SRI: variants seen among roughly 807,000 people sequenced by gnomAD.
The protein encoded by SRI is 22 kDa protein.
SRI carries 30 observed loss-of-function variants against 33.3 expected under a neutral mutation model. The ratio of observed to expected loss-of-function variants is 0.90; its 90% CI spans 0.67 to 1.22. SRI has a LOEUF of 1.22. Ranked by LOEUF, SRI falls within the 50% of genes most tolerant of loss-of-function variation. The pLI is 0.00. For missense variants in SRI, 243 were observed against 250.8 expected (o/e 0.97, Z 0.21); for synonymous variants, 75 against 89.9 (o/e 0.83, Z 0.94).
At chr7:88,224,416 G>C (rs1344772939), upstream of SRI, among the ~76,000 whole-genome samples, 1 of 152,196 alleles carries the variant, frequency 6.6e-6, no homozygotes, top group Non-Finnish European at 1.5e-5. Context: ...GTCTTCACTT[G>C]TTAGGAAGAA....
chr7:88,216,190 C>A (rs1167042935), intron 3 of SRI, among the ~76,000 whole-genome samples: 3 of 151,994 alleles, frequency 2.0e-5, no homozygotes, highest in Admixed American at 6.6e-5. Context: ...GTTGCCCAGG[C>A]TAGTCTTGAA....
At chr7:88,211,599 T>C (rs1563473029) in intron 3 of SRI, among the ~76,000 whole-genome samples, 1 of 152,234 alleles carries the variant, frequency 6.6e-6, no homozygotes, top group Non-Finnish European at 1.5e-5. Flanking sequence ...TTCCTACTCA[T>C]AAATGACTAT....
intron 7 of SRI, among the ~76,000 whole-genome samples, 176 bp from the exon 8 acceptor site, chr7:88,206,680 T>C (rs947971139): frequency 6.6e-6 from 1 of 152,168 alleles, no homozygotes; most frequent in Non-Finnish European, 1.5e-5. Context: ...GGAAGCAGTC[T>C]AATATAAAAT....
upstream of SRI, among the ~76,000 whole-genome samples, chr7:88,224,259 C>A (rs888267206): frequency 2.0e-5 from 3 of 152,206 alleles, no homozygotes; most frequent in Non-Finnish European, 4.4e-5. Flanking sequence ...AGTGTGGACA[C>A]TTTCTTATTC....
chr7:88,220,556 TAAG>T (rs1851867716), upstream of SRI, among the ~76,000 whole-genome samples: 1 of 152,070 alleles, frequency 6.6e-6, no homozygotes, highest in Non-Finnish European at 1.5e-5. Context: ...CCTTGGAAAA[TAAG>T]AATTAACTTG....
intron 1 of SRI, 72 bp downstream of exon 1, chr7:88,219,904 G>A (rs1437857940): frequency 2.0e-6 from 3 of 1,505,376 alleles, no homozygotes; most frequent in African/African-American, 1.4e-5. Flanking sequence ...CCCGCTGGCC[G>A]CAGCATCTCC....
chr7:88,225,166 A>C (rs1031907355), intron 1 of SRI, among the ~76,000 whole-genome samples: 2 of 152,162 alleles, frequency 1.3e-5, no homozygotes, highest in Non-Finnish European at 2.9e-5. Flanking sequence ...ATAGATTCTC[A>C]CTGACCTGTT....
chr7:88,211,020 TAC>T, intron 3 of SRI, 95 bp from the exon 4 acceptor site: 3 of 981,692 alleles, frequency 3.1e-6, no homozygotes, highest in Non-Finnish European at 4.7e-6. Flanking sequence ...ATGATTATTA[TAC>T]ACTTTTATTT....
At chr7:88,207,145 G>A (rs913611026) in intron 7 of SRI, among the ~76,000 whole-genome samples, 2 of 152,196 alleles carry the variant, frequency 1.3e-5, no homozygotes, top group African/African-American at 4.8e-5. Context: ...AACCCTTGCA[G>A]CTCTATTGCA....
chr7:88,211,434 G>A (rs1406163008), intron 3 of SRI, among the ~76,000 whole-genome samples: 1 of 151,766 alleles, frequency 6.6e-6, no homozygotes, highest in Non-Finnish European at 1.5e-5. Flanking sequence ...CAGCCTGGGT[G>A]ACAGGGCAAG....
chr7:88,209,805 G>A (rs977955192), intron 5 of SRI, among the ~76,000 whole-genome samples, 178 bp downstream of exon 5: 134 of 152,110 alleles, frequency 8.8e-4, no homozygotes, highest in African/African-American at 3.0e-3. Context: ...TAGTAGAGTC[G>A]GGGTTTTACT....
At chr7:88,225,745 A>G (rs1025651277) in intron 1 of SRI, among the ~76,000 whole-genome samples, 1 of 152,194 alleles carries the variant, frequency 6.6e-6, no homozygotes. Context: ...ATTTGGAGAC[A>G]TTGTTTTTTC....
chr7:88,207,375 C>A (rs960909380), intron 7 of SRI, among the ~76,000 whole-genome samples: 2 of 152,168 alleles, frequency 1.3e-5, no homozygotes, highest in African/African-American at 4.8e-5. Flanking sequence ...AGCATATTCA[C>A]ACACACATAC....
intron 7 of SRI, among the ~76,000 whole-genome samples, chr7:88,207,086 A>AT (rs1250168018): frequency 1.3e-5 from 2 of 152,242 alleles, no homozygotes; most frequent in African/African-American, 4.8e-5. Context: ...AAAGCAATAG[A>AT]TTCTGCTCTA....
At chr7:88,222,582 A>G (rs1471448311), upstream of SRI, among the ~76,000 whole-genome samples, 1 of 151,972 alleles carries the variant, frequency 6.6e-6, no homozygotes, top group Non-Finnish European at 1.5e-5. Flanking sequence ...TAGATTCTGG[A>G]TATTAGCCCT....
At chr7:88,209,244 T>A (rs1368586896) in intron 6 of SRI, 95 bp downstream of exon 6, 2 of 1,028,068 alleles carry the variant, frequency 1.9e-6, no homozygotes, top group East Asian at 2.5e-5. Flanking sequence ...CAAGAAAAAA[T>A]TTGGGAAGAA....
chr7:88,211,299 A>G (rs949254372), intron 3 of SRI, among the ~76,000 whole-genome samples: 13 of 152,178 alleles, frequency 8.5e-5, no homozygotes, highest in Non-Finnish European at 1.6e-4. Flanking sequence ...TACTAAAAAT[A>G]TAAAAATTAG....
At chr7:88,219,155 T>G (rs949261216) in intron 1 of SRI, 12 of 580,900 alleles carry the variant, frequency 2.1e-5, no homozygotes, top group African/African-American at 2.1e-4. Context: ...CCATAAAGAG[T>G]TGCTGTGAAA....
At position 88,206,381 on chromosome 7, in the gene SRI, G is replaced by A. The variant is rs920526315; in HGVS notation, c.*97C>T. Reference sequence around the variant, plus strand: ...TTACAACAGCTGTTAAGAGAAAGTCGTGATGTAAGTTTATACATATTACCG... The same window carrying A: ...TTACAACAGCTGTTAAGAGAAAGTCATGATGTAAGTTTATACATATTACCG... On this transcript the variant is annotated 3_prime_UTR_variant, in exon 8 of 8. Transcript: ENST00000265729. 2.4e-5 allele frequency: 33 copies of A among 1,361,140 alleles called. No individual in the cohort carries two copies. The highest frequency in any genetic ancestry group is 2.3e-5 in the East Asian group (1 of 43,620). 84.3% of individuals were successfully genotyped at this position (1,361,140 alleles called of 1,614,324 possible).
Sources: gnomAD v4.1 joint callset for allele counts (sites outside exome capture counted in the v4.1 genomes callset) on GRCh38, gnomAD v4.1.1 for gene constraint, MANE v1.5 for transcripts, NCBI Gene and HGNC (gene_info 2026-07-23, HGNC 2026-07-21) for gene names.